CNGB1: variants seen among roughly 807,000 people sequenced by gnomAD.
The protein encoded by CNGB1 is cyclic nucleotide-gated channel beta-1.
CNGB1 carries 126 observed loss-of-function variants against 151.7 expected under a neutral mutation model. That is an observed-to-expected ratio of 0.83 (90% CI 0.72 to 0.96). The LOEUF (loss-of-function observed/expected upper bound fraction) is 0.96, where lower values mean the gene tolerates loss of function less well. Ranked by LOEUF, CNGB1 falls within the 40% of genes least tolerant of loss-of-function variation. The pLI is 0.00. For synonymous variants in CNGB1, 623 were observed against 635.1 expected, an observed-to-expected ratio of 0.98 and a Z score of 0.29; for missense variants, 1,698 against 1,627.0, an observed-to-expected ratio of 1.04 and a Z score of -0.75.
chr16:57,938,243 T>C (rs1184400079), intron 16 of CNGB1, among the ~76,000 whole-genome samples: 2 of 152,166 alleles, frequency 1.3e-5, no homozygotes, highest in Admixed American at 1.3e-4. Flanking sequence ...GCTCCTGGTC[T>C]TTTTCATCCA....
chr16:57,923,186 G>A, intron 18 of CNGB1, 87 bp downstream of exon 18: 1 of 1,007,166 alleles, frequency 9.9e-7, no homozygotes, highest in South Asian at 1.4e-5. Flanking sequence ...TGCGGTAGAA[G>A]GTTCTAAAAG....
chr16:57,928,170 C>T (rs918830575), intron 17 of CNGB1, among the ~76,000 whole-genome samples: 1 of 152,232 alleles, frequency 6.6e-6, no homozygotes, highest in African/African-American at 2.4e-5. Context: ...GTACACACAG[C>T]CTTCTCCCAG....
chr16:57,967,090 C>G, intron 2 of CNGB1, 38 bp downstream of exon 2: 1 of 1,613,652 alleles, frequency 6.2e-7, no homozygotes, highest in South Asian at 1.1e-5. Flanking sequence ...CCCTGAGCAG[C>G]GAGGCCGGCC....
intron 31 of CNGB1, among the ~76,000 whole-genome samples, chr16:57,895,527 CATAAT>C (rs1253576671): frequency 1.1e-4 from 16 of 148,332 alleles, no homozygotes; most frequent in Admixed American, 8.8e-4. Flanking sequence ...TTTATATATA[CATAAT>C]ATATTATATA....
chr16:57,916,284 T>G lies in CNGB1; in HGVS notation c.2167-105A>C, dbSNP rs1048934169. 9 of 1,106,716 alleles carry G rather than the reference T, an allele frequency of 8.1e-6. No homozygotes were observed. In the African/African-American group the frequency reaches 1.1e-4, roughly 13 times the overall value. 68.6% of individuals were successfully genotyped at this position (1,106,716 alleles called of 1,614,324 possible). ...CAAGAACCCCACCCTGAAACGAGCA[T>G]AACAGCCCAAGGACCATCTGAGCCT... is the stretch of plus-strand genomic sequence containing the variant. On this transcript the variant is annotated intron_variant, in intron 21 of 32. Transcript: ENST00000251102.
At chr16:57,914,971 T>C (rs1246763227) in intron 23 of CNGB1, among the ~76,000 whole-genome samples, 2 of 152,230 alleles carry the variant, frequency 1.3e-5, no homozygotes, top group Admixed American at 1.3e-4. Flanking sequence ...CCCTCCTGGC[T>C]GTGTGACTTT....
chr16:57,911,734 G>C lies in CNGB1; in HGVS notation c.2492+19C>G, dbSNP rs184343851. ...GAAGGTCACCCAGGCATGGCCCCAG[G>C]GGGAGGACTGTGGCTCACCTGTTTC... is the stretch of plus-strand genomic sequence containing the variant. On this transcript the variant is annotated intron_variant, in intron 25 of 32. Coordinates refer to ENST00000251102, the MANE Select transcript of CNGB1 (RefSeq NM_001297.5). 1,344 of 1,613,548 alleles carry C rather than the reference G, an allele frequency of 8.3e-4. 1 individual carries two copies. Among genetic ancestry groups the C allele is most frequent in the Admixed American group, 4.8e-3 (287 of 60,014 alleles).
intron 12 of CNGB1, among the ~76,000 whole-genome samples, chr16:57,953,636 C>A (rs1567393887): frequency 1.3e-5 from 2 of 152,096 alleles, no homozygotes; most frequent in African/African-American, 2.4e-5. Context: ...AAAGCCTGAG[C>A]CCTAACTCCA....
chr16:57,957,684 T>C (rs1962125676), intron 11 of CNGB1, among the ~76,000 whole-genome samples: 1 of 152,244 alleles, frequency 6.6e-6, no homozygotes, highest in Non-Finnish European at 1.5e-5. Flanking sequence ...GCCCAGGACC[T>C]GGCCAGGCCT....
intron 12 of CNGB1, 81 bp downstream of exon 12, chr16:57,957,260 C>A: frequency 7.2e-7 from 1 of 1,382,986 alleles, no homozygotes; most frequent in Admixed American, 1.7e-5. Context: ...GACAGCCCCC[C>A]TGCCCACATA....
At chr16:57,964,826 C>A (rs1555494382) in intron 2 of CNGB1, among the ~76,000 whole-genome samples, 1 of 152,196 alleles carries the variant, frequency 6.6e-6, no homozygotes, top group Non-Finnish European at 1.5e-5. Flanking sequence ...CAGGAGGCTG[C>A]CCCACTTCAG....
intron 17 of CNGB1, among the ~76,000 whole-genome samples, chr16:57,926,533 C>T (rs545010147): frequency 6.6e-6 from 1 of 152,216 alleles, no homozygotes; most frequent in African/African-American, 2.4e-5. Flanking sequence ...TCTGCCAACT[C>T]GCCGAGGATG....
chr16:57,922,768 C>T lies in CNGB1; in HGVS notation c.1643+505G>A, dbSNP rs117875026. 8.7e-3 allele frequency among the ~76,000 whole-genome samples: 1,328 copies of T among 152,300 alleles called. 11 individuals carry two copies. The highest frequency in any genetic ancestry group is 0.012 in the Non-Finnish European group (841 of 68,016). On this transcript the variant is annotated intron_variant, in intron 18 of 32. Coordinates refer to ENST00000251102, the MANE Select transcript of CNGB1 (RefSeq NM_001297.5). ...TTCTAAACATTGTTCTGCAGGCCAG[C>T]TGCACCACATCCCCTGGGGAGTTTG... is the stretch of plus-strand genomic sequence containing the variant.
chr16:57,897,338 T>C, intron 31 of CNGB1, 59 bp downstream of exon 31: 1 of 1,580,922 alleles, frequency 6.3e-7, no homozygotes, highest in Non-Finnish European at 8.7e-7. Flanking sequence ...ACTGTGGTTA[T>C]GTAAGAGAAA....
At chr16:57,939,740 C>G in intron 15 of CNGB1, 148 bp from the exon 16 acceptor site, 1 of 1,096,662 alleles carries the variant, frequency 9.1e-7, no homozygotes, top group Non-Finnish European at 1.4e-6. Flanking sequence ...GCCAGCCCAC[C>G]TTCTGGGCAT....
At chr16:57,950,986 T>C (rs28567529) in intron 12 of CNGB1, among the ~76,000 whole-genome samples, 4,010 of 152,258 alleles carry the variant, frequency 0.026, 168 homozygotes, top group African/African-American at 0.09. Flanking sequence ...CTTCCTGCTC[T>C]GTAGATGCCA....
chr16:57,903,157 G>A (rs1310827550), intron 27 of CNGB1, among the ~76,000 whole-genome samples: 1 of 151,558 alleles, frequency 6.6e-6, no homozygotes, highest in Non-Finnish European at 1.5e-5. Flanking sequence ...GAGGAAGGGA[G>A]GGAGGAAGGG....
At chr16:57,899,868 C>G (rs1195436905) in intron 29 of CNGB1, among the ~76,000 whole-genome samples, 1 of 152,162 alleles carries the variant, frequency 6.6e-6, no homozygotes, top group Admixed American at 6.5e-5. Flanking sequence ...CGGGGTGTCT[C>G]AGAGAGATCG....
At chr16:57,954,731 T>C (rs1470790733) in intron 12 of CNGB1, 2 of 985,438 alleles carry the variant, frequency 2.0e-6, no homozygotes, top group African/African-American at 3.5e-5. Context: ...TTGCTGCTCA[T>C]TGGTGTCCCC....
Sources: gnomAD v4.1 joint callset for allele counts (sites outside exome capture counted in the v4.1 genomes callset) on GRCh38, gnomAD v4.1.1 for gene constraint, MANE v1.5 for transcripts, NCBI Gene and HGNC (gene_info 2026-07-23, HGNC 2026-07-21) for gene names.